The following CCDC146 variants were observed in gnomAD, a reference collection of about 807,000 sequenced individuals.
CCDC146 encodes coiled-coil domain-containing protein 146.
CCDC146 carries 92 observed loss-of-function variants against 119.3 expected under a neutral mutation model. The observed-to-expected ratio is 0.77, with a 90% CI of 0.65 to 0.92. The LOEUF is 0.92. Among genes scored for constraint, CCDC146 ranks in the 40% least tolerant of loss-of-function variants. The pLI is 0.00. For synonymous variants in CCDC146, 372 were observed against 371.8 expected (o/e 1.00, Z -0.01); for missense variants, 1,000 against 1,103.0 (o/e 0.91, Z 1.32).
chr7:77,265,095 C>G, intron 9 of CCDC146, among the ~76,000 whole-genome samples: 1 of 152,158 alleles, frequency 6.6e-6, no homozygotes, highest in East Asian at 1.9e-4. Context: ...CCATCTTAGC[C>G]CGAAGCACAG....
In CCDC146 at chr7:77,256,438, T is replaced by A. The variant is rs765231501; in HGVS notation, c.613T>A (p.Ser205Thr). The change falls in exon 6 of 19, where the codon TCT becomes ACT. Residue 205 changes from serine to threonine, a missense_variant. Ser to Thr is a moderately conservative substitution (Grantham distance 58). This residue lies in a region of CCDC146 where 985 missense variants were observed against 1,045.3 expected (regional missense o/e 0.94). Coordinates refer to ENST00000285871, the MANE Select transcript of CCDC146 (RefSeq NM_020879.3). ...EIKNLREDLA[S>T]KQKQLLKEQK... ...TAAAAATTTACGAGAAGATTTGGCA[T>A]CTAAACAAAAGCAATTATTAAAAGA... is the stretch of plus-strand genomic sequence containing the variant. 6.2e-7 allele frequency: 1 copy of A among 1,609,708 alleles called. No homozygotes were observed. The highest frequency in any genetic ancestry group is 8.5e-7 in the Non-Finnish European group (1 of 1,178,590).
rs1165277207 is a variant in CCDC146 at position 77,259,994 on chromosome 7, G to T, written c.759-15G>T. The stretch of plus-strand genomic sequence containing the variant: ...TGTGTGTGTGTGTGTGTGTGTGTGT[G>T]TGTATCCCCTACAGAGAAATGGAAA... On this transcript the variant is annotated splice_polypyrimidine_tract_variant and intron_variant, in intron 7 of 18. Coordinates refer to ENST00000285871, the MANE Select transcript of CCDC146 (RefSeq NM_020879.3). 1 of 800,954 alleles carries T rather than the reference G, an allele frequency of 1.2e-6. No homozygotes were observed. Among genetic ancestry groups the T allele is most frequent in the Non-Finnish European group, 2.0e-6 (1 of 495,480 alleles). The allele number at this position is 800,954 out of a possible 1,614,324, so 49.6% of individuals were successfully genotyped here.
chr7:77,190,352 C>G (rs1271216375), intron 2 of CCDC146, among the ~76,000 whole-genome samples: 1 of 152,162 alleles, frequency 6.6e-6, no homozygotes, highest in African/African-American at 2.4e-5. Context: ...ATCAGGCAAC[C>G]TCAGTCTCTC....
chr7:77,219,308 G>T (rs759986651), intron 2 of CCDC146, among the ~76,000 whole-genome samples: 4 of 151,942 alleles, frequency 2.6e-5, no homozygotes, highest in Non-Finnish European at 5.9e-5. Context: ...TCAAAGTTTG[G>T]TATCAAATGA....
chr7:77,209,918 G>A (rs1792150492), intron 2 of CCDC146, among the ~76,000 whole-genome samples: 1 of 152,240 alleles, frequency 6.6e-6, no homozygotes, highest in African/African-American at 2.4e-5. Context: ...GCACAGAGCA[G>A]TGGGGCCCTA....
intron 2 of CCDC146, among the ~76,000 whole-genome samples, chr7:77,232,948 A>G (rs1232660456): frequency 3.3e-5 from 5 of 152,176 alleles, no homozygotes; most frequent in African/African-American, 1.2e-4. Context: ...CAAATGCCAC[A>G]GTTTCTTGCT....
chr7:77,247,199 T>A (rs1390502634), intron 4 of CCDC146, among the ~76,000 whole-genome samples: 4 of 152,020 alleles, frequency 2.6e-5, no homozygotes, highest in Non-Finnish European at 4.4e-5. Flanking sequence ...TATTTCCTAA[T>A]AAAAAAAGAA....
intron 8 of CCDC146, among the ~76,000 whole-genome samples, chr7:77,260,538 A>G (rs958302537): frequency 1.5e-4 from 23 of 152,372 alleles, no homozygotes; most frequent in Non-Finnish European, 5.9e-5. Context: ...GATTTTGCCA[A>G]CAAATGAATG....
chr7:77,136,268 T>C (rs11983980), intron 1 of CCDC146, among the ~76,000 whole-genome samples: 1,667 of 151,946 alleles, frequency 0.011, 23 homozygotes, highest in African/African-American at 0.038. Flanking sequence ...CTGAAGAAAA[T>C]AAATAAGAAT....
Position 77,206,927 on chromosome 7 carries a change from C to G in CCDC146, c.157-30020C>G, listed in dbSNP as rs186239225. On this transcript the variant is annotated intron_variant, in intron 2 of 18. Coordinates refer to ENST00000285871, the MANE Select transcript of CCDC146 (RefSeq NM_020879.3). ...AAAATATTAAACTACTAATTCCCCA[C>G]TAACTAAATAATTTCATGCCAAATG... Among the ~76,000 whole-genome samples, 433 of 152,172 alleles carry G rather than the reference C, an allele frequency of 2.8e-3. 4 individuals are homozygous for G. The highest frequency in any genetic ancestry group is 9.8e-3 in the African/African-American group (406 of 41,538).
Position 77,293,110 on chromosome 7 carries a change from T to C in CCDC146, c.2574T>C (p.Gly858=), listed in dbSNP as rs375883613. 1 of 1,613,962 alleles carries C rather than the reference T, an allele frequency of 6.2e-7. No homozygotes were observed. Among genetic ancestry groups the C allele is most frequent in the African/African-American group, 1.3e-5 (1 of 74,874 alleles). Residue 858 remains glycine, a synonymous_variant, in exon 18 of 19, where the codon GGT becomes GGC. Coordinates refer to ENST00000285871, the MANE Select transcript of CCDC146 (RefSeq NM_020879.3). The stretch of plus-strand genomic sequence containing the variant: ...CTTGCAATTCCAGGATAGAAAAAGG[T>C]CTGCCACTCAATAAGGAAATTGAGA... ...IFTCNSRIEK[G]LPLNKEIEKE... is the part of the protein sequence containing the mutation.
chr7:77,291,358 T>G (rs1249613682), intron 17 of CCDC146, among the ~76,000 whole-genome samples: 1 of 152,002 alleles, frequency 6.6e-6, no homozygotes, highest in Non-Finnish European at 1.5e-5. Flanking sequence ...TTTTTTCCAG[T>G]TAGTCTTATC....
At chr7:77,282,806 C>T (rs921637634) in intron 15 of CCDC146, 21 bp downstream of exon 15, 7 of 1,536,168 alleles carry the variant, frequency 4.6e-6, no homozygotes, top group East Asian at 2.2e-5. Context: ...GATCACGGGA[C>T]ACTTCCTCAG....
At chr7:77,282,875 G>A (rs2150549369) in intron 15 of CCDC146, 90 bp downstream of exon 15, 3 of 818,052 alleles carry the variant, frequency 3.7e-6, no homozygotes, top group East Asian at 5.1e-5. Context: ...TGTAAACCAA[G>A]CCATACTATT....
chr7:77,236,066 G>A lies in CCDC146; in HGVS notation c.157-881G>A, dbSNP rs192829414. On this transcript the variant is annotated intron_variant, in intron 2 of 18. Transcript: ENST00000285871. ...AGCCTGGACGACAGAGTGAGACTCCGTCATAAATAAATAAATAAATAAATA... is the reference window on the plus strand; with the variant it reads ...AGCCTGGACGACAGAGTGAGACTCCATCATAAATAAATAAATAAATAAATA... 0.028 allele frequency among the ~76,000 whole-genome samples: 959 copies of A among 34,342 alleles called. 66 individuals carry two copies. In the East Asian group the frequency reaches 0.3, roughly 11 times the overall value. 22.5% of individuals were successfully genotyped at this position (34,342 alleles called of 152,430 possible). A position where few individuals can be genotyped will look rare whatever the true frequency, so the allele number is the denominator to read the frequency against.
chr7:77,180,275 GAC>G (rs71531147), intron 2 of CCDC146, among the ~76,000 whole-genome samples: 41,921 of 147,236 alleles, frequency 0.28, 8,911 homozygotes, highest in African/African-American at 0.6. Flanking sequence ...ACCATACACA[GAC>G]ACACACACAC....
chr7:77,150,071 A>G (rs1791087879), intron 1 of CCDC146, among the ~76,000 whole-genome samples: 1 of 152,086 alleles, frequency 6.6e-6, no homozygotes, highest in African/African-American at 2.4e-5. Flanking sequence ...ATCTAACTAT[A>G]AGAGTTAAAA....
intron 4 of CCDC146, among the ~76,000 whole-genome samples, chr7:77,249,437 G>A (rs1438445562): frequency 2.1e-5 from 3 of 145,108 alleles, no homozygotes; most frequent in Non-Finnish European, 3.0e-5. Context: ...GCAGTGAGCC[G>A]AGATCGCACC....
At position 77,181,141 on chromosome 7, in the gene CCDC146, A is replaced by G. The variant is rs558317598; in HGVS notation, c.156+13317A>G. Among the ~76,000 whole-genome samples the G allele has an allele frequency of 2.6e-5, 4 of 152,312 alleles. No homozygotes were observed. The East Asian group carries it at 7.7e-4, about 29-fold the overall frequency. ...GTTATAGTGGTGAATAGGGTGTCACATGGCAAAGTAGTGGGGTTGATCAGA... is the reference window on the plus strand; with the variant it reads ...GTTATAGTGGTGAATAGGGTGTCACGTGGCAAAGTAGTGGGGTTGATCAGA... On this transcript the variant is annotated intron_variant, in intron 2 of 18. Coordinates refer to ENST00000285871, the MANE Select transcript of CCDC146 (RefSeq NM_020879.3).
Sources: gnomAD v4.1 joint callset for allele counts (sites outside exome capture counted in the v4.1 genomes callset) on GRCh38, gnomAD v4.1.1 for gene constraint, gnomAD v4.1.1 regional missense constraint, MANE v1.5 for transcripts, NCBI Gene and HGNC (gene_info 2026-07-23, HGNC 2026-07-21) for gene names.